The following EIF2S1 variants were observed in gnomAD, a reference collection of about 807,000 sequenced individuals.
The protein encoded by EIF2S1 is eukaryotic translation initiation factor 2 subunit alpha, also known as eukaryotic translation initiation factor 2 subunit 1.
In EIF2S1, 5 loss-of-function variants were observed where a neutral mutation model predicts 33.5. The observed-to-expected ratio is 0.15, with a 90% CI of 0.08 to 0.31. EIF2S1 has a LOEUF of 0.31. Among genes scored for constraint, EIF2S1 ranks in the 10% least tolerant of loss-of-function variants. The pLI is 1.00. For missense variants in EIF2S1, 191 were observed against 384.6 expected (o/e 0.50, Z 4.21); for synonymous variants, 99 against 127.5 (o/e 0.78, Z 1.51).
chr14:67,362,395 A>G (rs2085748785), intron 1 of EIF2S1, among the ~76,000 whole-genome samples: 1 of 152,204 alleles, frequency 6.6e-6, no homozygotes, highest in Non-Finnish European at 1.5e-5. Context: ...ACAAATTATT[A>G]TATTACAAAA....
chr14:67,368,640 A>C (rs1313586853), intron 2 of EIF2S1, among the ~76,000 whole-genome samples: 1 of 151,698 alleles, frequency 6.6e-6, no homozygotes, highest in Non-Finnish European at 1.5e-5. Context: ...TGTGGGGTAA[A>C]TAGATCTATA....
At position 67,383,593 on chromosome 14, in the gene EIF2S1, A is replaced by G. The variant is rs983880757; in HGVS notation, c.*153A>G. 8 of 1,113,418 alleles carry G rather than the reference A, an allele frequency of 7.2e-6. No homozygotes were observed. Among genetic ancestry groups the G allele is most frequent in the Non-Finnish European group, 1.0e-5 (8 of 782,738 alleles). 69.0% of individuals were successfully genotyped at this position (1,113,418 alleles called of 1,614,324 possible). Reference sequence around the variant, plus strand: ...ATGTTCTAACAGATCAGAACATGAAATGCCCTCCTAAATGTCAGCTGTTGT... The same window carrying G: ...ATGTTCTAACAGATCAGAACATGAAGTGCCCTCCTAAATGTCAGCTGTTGT... On this transcript the variant is annotated 3_prime_UTR_variant, in exon 8 of 8. Transcript: ENST00000256383.
intron 3 of EIF2S1, among the ~76,000 whole-genome samples, chr14:67,375,436 AG>A (rs1350551076): frequency 6.6e-6 from 1 of 151,684 alleles, no homozygotes; most frequent in Non-Finnish European, 1.5e-5. Flanking sequence ...CTCAGTTCTT[AG>A]TGGTACTGTT....
intron 2 of EIF2S1, among the ~76,000 whole-genome samples, chr14:67,368,587 C>T (rs778199304): frequency 6.6e-6 from 1 of 152,166 alleles, no homozygotes; most frequent in Non-Finnish European, 1.5e-5. Context: ...CTGTTTAAAG[C>T]AGGCTTAGTA....
intron 1 of EIF2S1, among the ~76,000 whole-genome samples, chr14:67,363,517 G>A (rs2085755857): frequency 6.6e-6 from 1 of 152,082 alleles, no homozygotes; most frequent in South Asian, 2.1e-4. Context: ...AGAGAATATA[G>A]TCTTACTGAT....
At chr14:67,378,861 C>T (rs1461773557) in intron 4 of EIF2S1, among the ~76,000 whole-genome samples, 1 of 152,172 alleles carries the variant, frequency 6.6e-6, no homozygotes, top group Admixed American at 6.5e-5. Flanking sequence ...ACCTATTTTC[C>T]TCACTTATCA....
At chr14:67,361,062 G>A (rs1368333868) in intron 1 of EIF2S1, among the ~76,000 whole-genome samples, 6 of 152,032 alleles carry the variant, frequency 3.9e-5, no homozygotes, top group Non-Finnish European at 1.5e-5. Context: ...GTCGTATTTT[G>A]GCGACAATGA....
intron 7 of EIF2S1, among the ~76,000 whole-genome samples, chr14:67,382,849 AGTT>A (rs529547610): frequency 3.2e-4 from 48 of 152,044 alleles, no homozygotes; most frequent in African/African-American, 9.2e-4. Flanking sequence ...AGAAAAAAAA[AGTT>A]GTCTCCTGTC....
At chr14:67,374,804 A>G (rs1450417301) in intron 3 of EIF2S1, among the ~76,000 whole-genome samples, 1 of 152,164 alleles carries the variant, frequency 6.6e-6, no homozygotes, top group Non-Finnish European at 1.5e-5. Flanking sequence ...AGGTCTTTCT[A>G]TTTTGTCCAG....
Position 67,383,545 on chromosome 14 carries a change from A to AT in EIF2S1, c.*111dup, listed in dbSNP as rs1434136098. 2 of 1,473,768 alleles carry AT rather than the reference A, an allele frequency of 1.4e-6. No homozygotes were observed. Among genetic ancestry groups the AT allele is most frequent in the South Asian group, 2.4e-5 (2 of 82,892 alleles). 91.3% of individuals were successfully genotyped at this position (1,473,768 alleles called of 1,614,324 possible). A position where few individuals can be genotyped will look rare whatever the true frequency, so the allele number is the denominator to read the frequency against. On this transcript the variant is annotated 3_prime_UTR_variant, in exon 8 of 8. Coordinates refer to ENST00000256383, the MANE Select transcript of EIF2S1 (RefSeq NM_004094.5). ...AGTATTGAAAACTTCAAAGCTGAAT[A>AT]TTTTTTATTTCTAAGTATTTAAATG...
intron 3 of EIF2S1, among the ~76,000 whole-genome samples, chr14:67,376,173 A>G (rs1169440324): frequency 6.6e-6 from 1 of 152,088 alleles, no homozygotes; most frequent in Non-Finnish European, 1.5e-5. Context: ...ACTCTGTAGT[A>G]AGGAGAGATG....
chr14:67,377,570 C>A (rs1170817853), intron 4 of EIF2S1, among the ~76,000 whole-genome samples: 1 of 152,226 alleles, frequency 6.6e-6, no homozygotes. Flanking sequence ...CCTGTCATTT[C>A]TTCCTATGCT....
At position 67,384,045 on chromosome 14, in the gene EIF2S1, TGACCCTTAGCGG is replaced by T; in HGVS notation, c.*609_*620del. On this transcript the variant is annotated 3_prime_UTR_variant, in exon 8 of 8. Coordinates refer to ENST00000256383, the MANE Select transcript of EIF2S1 (RefSeq NM_004094.5). ...ATTTAACTTTAACCACAGTGAAAGT[TGACCCTTAGCGG>T]GACAAAGCCTTAAAATGCATTGAAA... 6.4e-6 allele frequency: 1 copy of T among 156,850 alleles called. No homozygotes were observed. The highest frequency in any genetic ancestry group is 1.4e-5 in the Non-Finnish European group (1 of 70,866). 9.7% of individuals were successfully genotyped at this position (156,850 alleles called of 1,614,324 possible).
At chr14:67,372,699 G>A (rs1370747493) in intron 2 of EIF2S1, among the ~76,000 whole-genome samples, 10 of 151,978 alleles carry the variant, frequency 6.6e-5, no homozygotes, top group South Asian at 4.2e-4. Flanking sequence ...ATAGTGGTGC[G>A]TGCCTGTAGT....
At chr14:67,377,064 T>C (rs1193804500) in intron 4 of EIF2S1, among the ~76,000 whole-genome samples, 1 of 152,158 alleles carries the variant, frequency 6.6e-6, no homozygotes, top group African/African-American at 2.4e-5. Flanking sequence ...GGTCCTATTA[T>C]TTGTCATCTT....
rs188146687 is a variant in EIF2S1, at chr14:67,385,087, G to C, written c.*1647G>C. Reference sequence around the variant, plus strand: ...TTATCCCACGTGGGCCTTTTGCTCAGTTCCATGGCAATTTTGTAAATTGAC... The same window carrying C: ...TTATCCCACGTGGGCCTTTTGCTCACTTCCATGGCAATTTTGTAAATTGAC... On this transcript the variant is annotated 3_prime_UTR_variant, in exon 8 of 8. Transcript: ENST00000256383. 2 of 152,260 alleles carry C rather than the reference G, an allele frequency of 1.3e-5. No individual in the cohort carries two copies. The highest frequency in any genetic ancestry group is 1.3e-4 in the Admixed American group (2 of 15,292). The allele number at this position is 152,260 out of a possible 1,614,324, so 9.4% of individuals were successfully genotyped here.
intron 1 of EIF2S1, chr14:67,364,509 T>C (rs946291602): frequency 1.9e-5 from 7 of 361,926 alleles, no homozygotes; most frequent in Non-Finnish European, 3.0e-5. Context: ...GTCATTATTT[T>C]TTATGATTCC....
intron 2 of EIF2S1, among the ~76,000 whole-genome samples, chr14:67,370,845 C>T (rs899372217): frequency 8.6e-5 from 13 of 151,626 alleles, no homozygotes; most frequent in African/African-American, 2.2e-4. Flanking sequence ...GGAAACATGA[C>T]GAAACCTCAT....
At chr14:67,366,811 T>A (rs1242586060) in intron 2 of EIF2S1, among the ~76,000 whole-genome samples, 1 of 142,750 alleles carries the variant, frequency 7.0e-6, no homozygotes, top group Non-Finnish European at 1.5e-5. Context: ...AAATTGAAAA[T>A]TTGAAGGTGA....
Sources: allele counts gnomAD v4.1 joint callset (sites outside exome capture counted in the v4.1 genomes callset), GRCh38; gene constraint gnomAD v4.1.1; transcripts MANE v1.5; gene names NCBI Gene and HGNC (gene_info 2026-07-23, HGNC 2026-07-21).